KALRN: variants seen among roughly 807,000 people sequenced by gnomAD.
KALRN encodes kalirin RhoGEF kinase.
In KALRN, 70 loss-of-function variants were observed where a neutral mutation model predicts 353.7. The observed-to-expected ratio is 0.20, with a 90% CI of 0.16 to 0.24. The LOEUF (loss-of-function observed/expected upper bound fraction) is 0.24, where lower values mean the gene tolerates loss of function less well. Among genes scored for constraint, KALRN ranks in the 10% least tolerant of loss-of-function variants. KALRN has a pLI of 1.00. For missense variants in KALRN, 2,791 were observed against 3,756.7 expected (o/e 0.74, Z 6.72); for synonymous variants, 1,391 against 1,434.8 (o/e 0.97, Z 0.69).
chr3:124,035,357 G>A (rs1471417498), intron 1 of KALRN, among the ~76,000 whole-genome samples: 4 of 152,068 alleles, frequency 2.6e-5, no homozygotes, highest in Non-Finnish European at 4.4e-5. Context: ...GCAGAGGAGG[G>A]GAGATATGGG....
At chr3:124,221,952 GGC>G (rs2077966095) in intron 1 of KALRN, among the ~76,000 whole-genome samples, 1 of 152,130 alleles carries the variant, frequency 6.6e-6, no homozygotes, top group Non-Finnish European at 1.5e-5. Context: ...TCCCCAGGTG[GGC>G]GCACCCCTCC....
In KALRN at chr3:124,657,529, C is replaced by G; in HGVS notation, c.5944C>G (p.Gln1982Glu). ...CAAAATCGTGTTTGGAAATATTCAT[C>G]AGATTTATGACTGGCATAAGGAGTA... ...KDKIVFGNIH[Q>E]IYDWHKDFFL... Residue 1982 changes from glutamine to glutamate, a missense_variant, in exon 40 of 60, where the codon CAG becomes GAG. Around this residue, in one of 11 missense-constraint regions of KALRN, gnomAD observed 1,065 missense variants for 1,156.4 expected, o/e 0.92. Transcript: ENST00000682506. The G allele has an allele frequency of 1.9e-6, 3 of 1,613,512 alleles. No homozygotes were observed. The highest frequency in any genetic ancestry group is 2.5e-6 in the Non-Finnish European group (3 of 1,179,458).
chr3:124,515,739 A>G lies in KALRN; in HGVS notation c.4935+19326A>G, dbSNP rs528435043. ...AAAAAAATTTAATGGTCTCTTTTTC[A>G]CACTTCCACTTAAACTTTTTCCACT... On this transcript the variant is annotated intron_variant, in intron 33 of 59. Coordinates refer to ENST00000682506, the MANE Select transcript of KALRN (RefSeq NM_001388419.1). 2.0e-5 allele frequency among the ~76,000 whole-genome samples: 3 copies of G among 152,342 alleles called. No individual in the cohort carries two copies. In the South Asian group the frequency reaches 6.2e-4, roughly 32 times the overall value.
intron 49 of KALRN, chr3:124,675,481 A>G (rs2087060663): frequency 6.7e-6 from 1 of 150,248 alleles, no homozygotes; most frequent in South Asian, 2.1e-4. Context: ...GGACTTTCAA[A>G]TGTGCAAACA....
At chr3:124,435,906 G>A (rs2093443496) in intron 17 of KALRN, among the ~76,000 whole-genome samples, 1 of 152,180 alleles carries the variant, frequency 6.6e-6, no homozygotes, top group South Asian at 2.1e-4. Context: ...AACTAGAAGA[G>A]CCAAAACGAT....
chr3:124,568,180 A>G (rs553148640), intron 34 of KALRN, among the ~76,000 whole-genome samples: 162 of 152,374 alleles, frequency 1.1e-3, no homozygotes, highest in African/African-American at 3.8e-3. Context: ...AAATTTAAAA[A>G]TGGACAAAGG....
At chr3:124,271,929 G>A (rs1398821898) in intron 5 of KALRN, among the ~76,000 whole-genome samples, 1 of 152,136 alleles carries the variant, frequency 6.6e-6, no homozygotes, top group Non-Finnish European at 1.5e-5. Context: ...TTATTTGCAG[G>A]AACAGAAAAC....
intron 10 of KALRN, among the ~76,000 whole-genome samples, chr3:124,368,845 C>T (rs1361589178): frequency 6.6e-6 from 1 of 152,210 alleles, no homozygotes. Flanking sequence ...GGATCACTCG[C>T]GGTTAGGGGC....
chr3:124,283,844 A>G (rs1389925163), intron 5 of KALRN, among the ~76,000 whole-genome samples: 1 of 152,116 alleles, frequency 6.6e-6, no homozygotes, highest in East Asian at 1.9e-4. Context: ...TTTAGCATGA[A>G]GTTTCGCAGT....
intron 38 of KALRN, 142 bp downstream of exon 38, chr3:124,651,080 T>C (rs1292762664): frequency 7.1e-6 from 7 of 992,264 alleles, no homozygotes; most frequent in South Asian, 5.8e-5. Context: ...CTGTACAGCA[T>C]AGCACTGATA....
At chr3:124,326,203 T>C (rs1371331028) in intron 7 of KALRN, 32 bp downstream of exon 7, 8 of 1,590,034 alleles carry the variant, frequency 5.0e-6, no homozygotes, top group Middle Eastern at 1.7e-4. Flanking sequence ...CAGCTGCTGT[T>C]GGTAGGAAGG....
chr3:124,693,262 T>C (rs888000033), intron 51 of KALRN, among the ~76,000 whole-genome samples: 4 of 74,298 alleles, frequency 5.4e-5, no homozygotes, highest in African/African-American at 1.5e-4. Flanking sequence ...AGAAGCTCTG[T>C]TGTTTAGCTG....
intron 34 of KALRN, among the ~76,000 whole-genome samples, chr3:124,587,004 G>A (rs1341044874): frequency 6.6e-6 from 1 of 152,184 alleles, no homozygotes; most frequent in Non-Finnish European, 1.5e-5. Flanking sequence ...GAAAAGATAA[G>A]GTCTGTATTG....
chr3:124,582,376 C>G (rs181017194), intron 34 of KALRN, among the ~76,000 whole-genome samples: 17 of 152,042 alleles, frequency 1.1e-4, no homozygotes, highest in African/African-American at 4.1e-4. Flanking sequence ...AGAAAGAGCA[C>G]CAGAGATTCA....
chr3:124,481,923 G>A (rs769263960), intron 27 of KALRN, among the ~76,000 whole-genome samples: 24 of 152,254 alleles, frequency 1.6e-4, no homozygotes, highest in Non-Finnish European at 2.5e-4. Context: ...GTTCATGTGC[G>A]TTGAGTATTC....
chr3:124,696,142 G>T lies in KALRN; in HGVS notation c.7586G>T (p.Gly2529Val). Reference sequence around the variant, plus strand: ...CCTTTTGGTGTCCCTAGTGATTCTGGAGAAATCACCCTGAAGATCTGTAAT... The same window carrying T: ...CCTTTTGGTGTCCCTAGTGATTCTGTAGAAATCACCCTGAAGATCTGTAAT... ...ATYTVSSCDS[G>V]EITLKICNLM... Residue 2529 changes from glycine to valine, a missense_variant, in exon 54 of 60, where the codon GGA becomes GTA. By Grantham distance (109) the Gly-to-Val change is moderately radical (BLOSUM62 -3). Transcript: ENST00000682506. 2.5e-6 allele frequency: 4 copies of T among 1,613,888 alleles called. No homozygotes were observed. The highest frequency in any genetic ancestry group is 3.4e-6 in the Non-Finnish European group (4 of 1,179,822).
intron 33 of KALRN, among the ~76,000 whole-genome samples, chr3:124,512,556 C>A (rs1266396317): frequency 6.6e-6 from 1 of 152,068 alleles, no homozygotes; most frequent in Non-Finnish European, 1.5e-5. Context: ...GAGGCTGAGG[C>A]AGTAGAATTG....
intron 34 of KALRN, among the ~76,000 whole-genome samples, chr3:124,594,132 T>C (rs910485620): frequency 1.3e-5 from 2 of 152,222 alleles, no homozygotes; most frequent in South Asian, 2.1e-4. Context: ...TTTCCGTATG[T>C]TTACCGCTTT....
chr3:124,207,056 A>G (rs900881719), intron 1 of KALRN, among the ~76,000 whole-genome samples: 9 of 152,358 alleles, frequency 5.9e-5, no homozygotes, highest in Middle Eastern at 3.4e-3. Flanking sequence ...CATGGGATCC[A>G]CTGGAACATC....
Sources: gnomAD v4.1 joint callset for allele counts (sites outside exome capture counted in the v4.1 genomes callset) on GRCh38, gnomAD v4.1.1 for gene constraint, gnomAD v4.1.1 regional missense constraint, MANE v1.5 for transcripts, NCBI Gene and HGNC (gene_info 2026-07-23, HGNC 2026-07-21) for gene names.